Variants in GLRA2 observed in about 807,000 individuals in gnomAD.
GLRA2 encodes glycine receptor alpha 2.
In GLRA2, 11 loss-of-function variants were observed where a neutral mutation model predicts 31.6. The ratio of observed to expected loss-of-function variants is 0.35; its 90% CI spans 0.22 to 0.58. GLRA2 has a LOEUF of 0.58. GLRA2 is among the 20% of genes least tolerant of loss of function. The probability of loss-of-function intolerance (pLI) is 0.84; values close to 1 mark genes in which losing one functional copy is unlikely to be tolerated. For synonymous variants in GLRA2, 132 were observed against 134.0 expected (o/e 0.99, Z 0.10); for missense variants, 212 against 351.8 (o/e 0.60, Z 3.18).
intron 7 of GLRA2, among the ~76,000 whole-genome samples, chrX:14,680,343 A>G (rs1164892070): frequency 2.2e-5 from 2 of 91,919 alleles, no homozygotes; most frequent in Non-Finnish European, 4.3e-5. Flanking sequence ...TATGCTCTCA[A>G]TGTTTGTTTT....
At chrX:14,529,315 C>T (rs1002365698), upstream of GLRA2, 3 of 106,428 alleles carry the variant, frequency 2.8e-5, no homozygotes, top group African/African-American at 1.0e-4. Flanking sequence ...TCACCCTCTC[C>T]GTCTCCCGAC....
intron 2 of GLRA2, among the ~76,000 whole-genome samples, chrX:14,557,273 G>A (rs767370466): frequency 3.7e-5 from 4 of 107,408 alleles, no homozygotes; most frequent in Non-Finnish European, 5.8e-5. Context: ...CCACCACCAC[G>A]CCCGGCTAAT....
chrX:14,520,444 G>A, the GLRA2 span, among the ~76,000 whole-genome samples: 6 of 112,280 alleles, frequency 5.3e-5, no homozygotes, highest in Admixed American at 1.9e-4. Flanking sequence ...GAAAAGAAAC[G>A]CTGCATTTCT....
intron 7 of GLRA2, among the ~76,000 whole-genome samples, chrX:14,631,268 A>G (rs190072318): frequency 2.5e-3 from 273 of 111,275 alleles, no homozygotes; most frequent in Non-Finnish European, 4.2e-3. Context: ...TATGTCTTCC[A>G]TGTCTCTTGT....
chrX:14,580,280 C>T (rs1183637792), intron 3 of GLRA2, among the ~76,000 whole-genome samples: 2 of 112,520 alleles, frequency 1.8e-5, no homozygotes, highest in African/African-American at 6.5e-5. Context: ...TAGTATATAT[C>T]ACACTTGTGG....
chrX:14,581,705 A>G (rs1316570425), intron 4 of GLRA2, among the ~76,000 whole-genome samples: 4 of 110,032 alleles, frequency 3.6e-5, no homozygotes, highest in African/African-American at 1.3e-4. Context: ...TTCAATTGCC[A>G]TTAAGCATAA....
the GLRA2 span, among the ~76,000 whole-genome samples, chrX:14,470,791 G>A: frequency 9.0e-6 from 1 of 111,456 alleles, no homozygotes; most frequent in South Asian, 3.7e-4. Flanking sequence ...CCTTCAAATG[G>A]TGCAGTCATT....
At chrX:14,498,073 G>A in the GLRA2 span, among the ~76,000 whole-genome samples, 3 of 110,686 alleles carry the variant, frequency 2.7e-5, no homozygotes, top group African/African-American at 9.8e-5. Flanking sequence ...AAGAAGTTAT[G>A]TAAATATTGG....
chrX:14,724,381 T>C (rs1023951007), intron 8 of GLRA2, among the ~76,000 whole-genome samples: 2 of 109,842 alleles, frequency 1.8e-5, no homozygotes, highest in Non-Finnish European at 3.8e-5. Context: ...ATCCCAGCAC[T>C]TTGGGAGGCC....
the GLRA2 span, among the ~76,000 whole-genome samples, chrX:14,480,221 GTTTA>G: frequency 9.0e-6 from 1 of 111,502 alleles, no homozygotes; most frequent in Middle Eastern, 4.2e-3. Context: ...TTTGTTTTTT[GTTTA>G]TTCAGTTGTT....
intron 4 of GLRA2, among the ~76,000 whole-genome samples, chrX:14,600,889 T>C (rs2090262067): frequency 9.0e-6 from 1 of 110,934 alleles, no homozygotes; most frequent in Admixed American, 9.6e-5. Flanking sequence ...AATATTTATT[T>C]CTTCTTTGAA....
At position 14,730,305 on chromosome X, in the gene GLRA2, T is replaced by C; in HGVS notation, c.1179T>C (p.Pro393=). ...ATGGAACAGCTGTCAAGGCCACACC[T>C]GCCAACCCACTCCCACAACCGCCAA... ...VKDGTAVKAT[P]ANPLPQPPKD... Residue 393 remains proline, a synonymous_variant, in exon 9 of 9, where the codon CCT becomes CCC. Transcript: ENST00000218075. 5 of 1,209,941 alleles carry C rather than the reference T, an allele frequency of 4.1e-6. No individual in the cohort carries two copies. Among genetic ancestry groups the C allele is most frequent in the Non-Finnish European group, 5.6e-6 (5 of 894,313 alleles).
intron 4 of GLRA2, among the ~76,000 whole-genome samples, chrX:14,602,518 G>A (rs2090288273): frequency 9.1e-6 from 1 of 109,717 alleles, no homozygotes; most frequent in South Asian, 3.9e-4. Context: ...AGATTTTGGT[G>A]CACCCAGCAC....
At chrX:14,472,618 G>T in the GLRA2 span, among the ~76,000 whole-genome samples, 1 of 111,154 alleles carries the variant, frequency 9.0e-6, no homozygotes, top group Non-Finnish European at 1.9e-5. Context: ...ACTAATACGC[G>T]AGAACAGGAG....
intron 7 of GLRA2, among the ~76,000 whole-genome samples, chrX:14,642,869 TGATAA>T (rs1020749862): frequency 8.1e-5 from 9 of 111,271 alleles, no homozygotes; most frequent in African/African-American, 2.6e-4. Context: ...ACCAGTGAGC[TGATAA>T]GATATCATGT....
At chrX:14,513,636 T>C in the GLRA2 span, among the ~76,000 whole-genome samples, 237 of 111,914 alleles carry the variant, frequency 2.1e-3, no homozygotes, top group African/African-American at 7.3e-3. Flanking sequence ...AAAGAAGATA[T>C]ACAAATGGCC....
At chrX:14,702,133 A>T (rs1390744986) in intron 8 of GLRA2, among the ~76,000 whole-genome samples, 1 of 111,983 alleles carries the variant, frequency 8.9e-6, no homozygotes, top group Non-Finnish European at 1.9e-5. Context: ...TTCAGATGTT[A>T]GAAACGACAT....
At chrX:14,498,748 C>T in the GLRA2 span, among the ~76,000 whole-genome samples, 48 of 111,017 alleles carry the variant, frequency 4.3e-4, no homozygotes, top group Admixed American at 1.4e-3. Context: ...ATTAATCAGC[C>T]TCTCTTCATT....
chrX:14,730,891 TACACAC>T lies in GLRA2; in HGVS notation c.*460_*465del, dbSNP rs55910036. ...AATTCTGGTACTGAAAAGTTAGCTA[TACACAC>T]ACACACACACACACACACACACACA... is the stretch of plus-strand genomic sequence containing the variant. On this transcript the variant is annotated 3_prime_UTR_variant, in exon 9 of 9. Coordinates refer to ENST00000218075, the MANE Select transcript of GLRA2 (RefSeq NM_002063.4). 1,090 of 97,770 alleles carry T rather than the reference TACACAC, an allele frequency of 0.011. 17 individuals are homozygous for T. The highest frequency in any genetic ancestry group is 0.013 in the East Asian group (44 of 3,490). The allele number at this position is 97,770 out of a possible 1,213,427, so 8.1% of individuals were successfully genotyped here.
Sources: gnomAD v4.1 joint callset for allele counts (sites outside exome capture counted in the v4.1 genomes callset) on GRCh38, gnomAD v4.1.1 for gene constraint, MANE v1.5 for transcripts, NCBI Gene and HGNC (gene_info 2026-07-23, HGNC 2026-07-21) for gene names.